The following MARCHF1 variants were observed in gnomAD, a reference collection of about 807,000 sequenced individuals.
MARCHF1 encodes the protein E3 ubiquitin-protein ligase MARCHF1.
In MARCHF1, 40 loss-of-function variants were observed where a neutral mutation model predicts 54.2. That is an observed-to-expected ratio of 0.74 (90% CI 0.57 to 0.96). The LOEUF is 0.96. MARCHF1 is among the 40% of genes least tolerant of loss of function. The pLI, the probability that MARCHF1 is intolerant of heterozygous loss-of-function variation, is 0.00. For synonymous variants in MARCHF1, 236 were observed against 236.3 expected (o/e 1.00, Z 0.01); for missense variants, 586 against 656.5 (o/e 0.89, Z 1.17).
At chr4:163,767,397 G>A (rs1665464431) in intron 4 of MARCHF1, among the ~76,000 whole-genome samples, 1 of 151,180 alleles carries the variant, frequency 6.6e-6, no homozygotes, top group Non-Finnish European at 1.5e-5. Flanking sequence ...GCAGTGGCGC[G>A]ATCTCGGCTC....
At chr4:163,682,016 T>C (rs910353681) in intron 5 of MARCHF1, among the ~76,000 whole-genome samples, 14 of 152,210 alleles carry the variant, frequency 9.2e-5, no homozygotes, top group Non-Finnish European at 5.9e-5. Flanking sequence ...TCTTAACTTG[T>C]TGAACAGCTT....
At chr4:163,955,823 G>A (rs1489407749) in intron 3 of MARCHF1, among the ~76,000 whole-genome samples, 1 of 152,092 alleles carries the variant, frequency 6.6e-6, no homozygotes, top group Non-Finnish European at 1.5e-5. Flanking sequence ...AATGTCCAGT[G>A]AATTGACAAC....
At chr4:163,609,641 A>G (rs1274176722) in intron 7 of MARCHF1, among the ~76,000 whole-genome samples, 1 of 150,536 alleles carries the variant, frequency 6.6e-6, no homozygotes, top group African/African-American at 2.4e-5. Context: ...ATATATACGT[A>G]TATATATAAT....
chr4:164,254,518 C>T (rs921779754), intron 1 of MARCHF1, among the ~76,000 whole-genome samples: 3 of 151,286 alleles, frequency 2.0e-5, no homozygotes, highest in African/African-American at 7.3e-5. Flanking sequence ...ATAGTTAATA[C>T]TTAATAAACT....
At chr4:164,096,058 T>C (rs1392179899) in intron 2 of MARCHF1, among the ~76,000 whole-genome samples, 1 of 152,122 alleles carries the variant, frequency 6.6e-6, no homozygotes, top group East Asian at 1.9e-4. Flanking sequence ...AGCAATCCCA[T>C]TACTGGGTAC....
intron 1 of MARCHF1, among the ~76,000 whole-genome samples, chr4:164,161,928 A>G (rs1295193484): frequency 6.6e-6 from 1 of 152,126 alleles, no homozygotes. Context: ...GGAAAACCCA[A>G]TCATTTGGAG....
chr4:163,807,390 C>T (rs929637262), intron 4 of MARCHF1, among the ~76,000 whole-genome samples: 1 of 152,086 alleles, frequency 6.6e-6, no homozygotes, highest in African/African-American at 2.4e-5. Context: ...TTGGAAGCAA[C>T]TTAATACTTT....
At chr4:163,569,560 C>T (rs1466585065) in intron 8 of MARCHF1, among the ~76,000 whole-genome samples, 1 of 140,414 alleles carries the variant, frequency 7.1e-6, no homozygotes, top group Non-Finnish European at 1.5e-5. Flanking sequence ...TTCAGCTCTC[C>T]TACGAACCAT....
intron 5 of MARCHF1, among the ~76,000 whole-genome samples, chr4:163,621,091 A>G (rs907888393): frequency 6.6e-6 from 1 of 152,210 alleles, no homozygotes; most frequent in Non-Finnish European, 1.5e-5. Context: ...TGTGAGGATA[A>G]TAACATGAAA....
At chr4:163,954,598 T>A (rs565760180) in intron 3 of MARCHF1, among the ~76,000 whole-genome samples, 1 of 152,314 alleles carries the variant, frequency 6.6e-6, no homozygotes, top group South Asian at 2.1e-4. Context: ...TAAAAACAAA[T>A]TATAGCCATG....
chr4:163,825,838 T>C (rs1247964522), intron 4 of MARCHF1, among the ~76,000 whole-genome samples: 5 of 152,044 alleles, frequency 3.3e-5, no homozygotes, highest in Non-Finnish European at 5.9e-5. Context: ...AATCAGCTAC[T>C]AGCAATTCAT....
chr4:163,659,907 C>G (rs6852301), intron 5 of MARCHF1, among the ~76,000 whole-genome samples: 1 of 151,804 alleles, frequency 6.6e-6, no homozygotes, highest in Non-Finnish European at 1.5e-5. Context: ...ACAACAACAG[C>G]TGCTGGAGAG....
chr4:163,923,175 G>T (rs12509271), intron 3 of MARCHF1, among the ~76,000 whole-genome samples: 113,039 of 152,000 alleles, frequency 0.74, 42,107 homozygotes, highest in Middle Eastern at 0.81. Flanking sequence ...AATACATTTT[G>T]AAAGATTAAT....
In MARCHF1 at chr4:164,009,564, A is replaced by T. The variant is rs76284736; in HGVS notation, c.-247-20855T>A. 1.0e-3 allele frequency among the ~76,000 whole-genome samples: 158 copies of T among 152,322 alleles called. 1 individual carries two copies. In the East Asian group the frequency reaches 0.015, roughly 14 times the overall value. The stretch of plus-strand genomic sequence containing the variant: ...TCTCAACAAAATACTACCAAACTGA[A>T]ATCAACAACATGTTAAAAAATCATT... On this transcript the variant is annotated intron_variant, in intron 2 of 9. Transcript: ENST00000514618.
At chr4:163,779,782 T>C (rs2110899178) in intron 4 of MARCHF1, among the ~76,000 whole-genome samples, 1 of 152,150 alleles carries the variant, frequency 6.6e-6, no homozygotes, top group East Asian at 1.9e-4. Flanking sequence ...TTCTAAAATC[T>C]ACCCTAATGT....
chr4:164,164,129 G>A (rs2110951433), intron 1 of MARCHF1, among the ~76,000 whole-genome samples: 1 of 151,836 alleles, frequency 6.6e-6, no homozygotes, highest in African/African-American at 2.4e-5. Flanking sequence ...TTAGGAAAAG[G>A]GGAAAAGATC....
At chr4:163,880,875 T>C (rs535217415) in intron 3 of MARCHF1, among the ~76,000 whole-genome samples, 3 of 152,230 alleles carry the variant, frequency 2.0e-5, no homozygotes, top group Non-Finnish European at 4.4e-5. Context: ...ATTTGACATA[T>C]ATCTCATGGG....
At chr4:163,912,065 GTTTT>G (rs70948676) in intron 3 of MARCHF1, among the ~76,000 whole-genome samples, 65 of 149,318 alleles carry the variant, frequency 4.4e-4, no homozygotes, top group African/African-American at 1.4e-3. Context: ...GGAATGCAGG[GTTTT>G]TTTTTTTTTT....
intron 4 of MARCHF1, among the ~76,000 whole-genome samples, chr4:163,774,388 A>G (rs1747244810): frequency 6.6e-6 from 1 of 152,184 alleles, no homozygotes; most frequent in Non-Finnish European, 1.5e-5. Context: ...AATGTATCCA[A>G]TGTTTCCACG....
Sources: gnomAD v4.1 joint callset for allele counts (sites outside exome capture counted in the v4.1 genomes callset) on GRCh38, gnomAD v4.1.1 for gene constraint, MANE v1.5 for transcripts, NCBI Gene and HGNC (gene_info 2026-07-23, HGNC 2026-07-21) for gene names.